CFAP61: variants seen among roughly 807,000 people sequenced by gnomAD.
CFAP61 encodes cilia- and flagella-associated protein 61.
Under a neutral mutation model 135.6 loss-of-function variants are expected in CFAP61, and 107 were observed. The observed-to-expected ratio is 0.79, with a 90% CI of 0.67 to 0.93. The LOEUF (loss-of-function observed/expected upper bound fraction) is 0.93. CFAP61 is among the 40% of genes least tolerant of loss of function. CFAP61 has a pLI of 0.00. For synonymous variants in CFAP61, 575 were observed against 578.5 expected, an observed-to-expected ratio of 0.99 and a Z score of 0.09; for missense variants, 1,507 against 1,556.2, an observed-to-expected ratio of 0.97 and a Z score of 0.53.
At chr20:20,082,874 C>A (rs1330181415) in intron 6 of CFAP61, among the ~76,000 whole-genome samples, 3 of 152,150 alleles carry the variant, frequency 2.0e-5, no homozygotes, top group African/African-American at 7.2e-5. Context: ...TGAAAAAGAA[C>A]ACTTTTACGC....
intron 13 of CFAP61, among the ~76,000 whole-genome samples, chr20:20,183,954 G>T (rs919422002): frequency 2.0e-5 from 3 of 152,206 alleles, no homozygotes; most frequent in African/African-American, 4.8e-5. Context: ...TAGCAGAGAT[G>T]AATGCAAAAT....
Position 20,191,404 on chromosome 20 carries a change from G to C in CFAP61, c.1575G>C (p.Val525=), listed in dbSNP as rs2055911095. The C allele has an allele frequency of 1.9e-6, 3 of 1,607,764 alleles. No homozygotes were observed. The African/African-American group carries it at 4.0e-5, about 21-fold the overall frequency. The change falls in exon 15 of 27, where the codon GTG becomes GTC. Residue 525 remains valine, a synonymous_variant. Coordinates refer to ENST00000245957, the MANE Select transcript of CFAP61 (RefSeq NM_015585.4). ...EVAEQIVGIA[V]IRNEMDIEYI... Reference sequence around the variant, plus strand: ...CAGAACAAATAGTTGGTATTGCAGTGATCAGAAATGAAATGGTAAATTGTG... The same window carrying C: ...CAGAACAAATAGTTGGTATTGCAGTCATCAGAAATGAAATGGTAAATTGTG...
At chr20:20,262,001 T>C (rs1385798996) in intron 20 of CFAP61, among the ~76,000 whole-genome samples, 1 of 152,236 alleles carries the variant, frequency 6.6e-6, no homozygotes, top group Non-Finnish European at 1.5e-5. Flanking sequence ...AGACAAGGAA[T>C]AATCCTATAC....
At chr20:20,319,432 G>A (rs756086140) in intron 25 of CFAP61, among the ~76,000 whole-genome samples, 12 of 152,216 alleles carry the variant, frequency 7.9e-5, no homozygotes, top group Non-Finnish European at 1.5e-4. Flanking sequence ...TGGAAGAGGG[G>A]CCTGGTGGGA....
chr20:20,279,142 C>T (rs2053994489), intron 22 of CFAP61, among the ~76,000 whole-genome samples: 1 of 152,128 alleles, frequency 6.6e-6, no homozygotes, highest in Non-Finnish European at 1.5e-5. Context: ...CCCCAAACAT[C>T]CCATTGGATA....
At chr20:20,109,657 A>G (rs555772351) in intron 8 of CFAP61, among the ~76,000 whole-genome samples, 2 of 152,292 alleles carry the variant, frequency 1.3e-5, no homozygotes, top group South Asian at 2.1e-4. Context: ...AGCTTTACCT[A>G]CAATTTATTC....
rs555356332 is a variant in CFAP61 at position 20,138,695 on chromosome 20, A to T, written c.860-4162A>T. ...ATCACTCCCCTGATTTTTGGTTCTT[A>T]TGAAGGTGCTTTGTTGTGTACATAA... On this transcript the variant is annotated intron_variant, in intron 8 of 26. Coordinates refer to ENST00000245957, the MANE Select transcript of CFAP61 (RefSeq NM_015585.4). 1.7e-3 allele frequency among the ~76,000 whole-genome samples: 256 copies of T among 152,320 alleles called. 1 individual carries two copies. Among genetic ancestry groups the T allele is most frequent in the African/African-American group, 6.0e-3 (249 of 41,580 alleles).
intron 25 of CFAP61, among the ~76,000 whole-genome samples, chr20:20,321,771 A>T (rs148455370): frequency 6.6e-6 from 1 of 152,322 alleles, no homozygotes; most frequent in East Asian, 1.9e-4. Flanking sequence ...TTGGTGAGAC[A>T]GTTTCAAACT....
intron 2 of CFAP61, among the ~76,000 whole-genome samples, chr20:20,062,518 A>G (rs1197969109): frequency 6.6e-6 from 1 of 152,220 alleles, no homozygotes; most frequent in Non-Finnish European, 1.5e-5. Context: ...ACAAGAGCGC[A>G]TATTAATGAA....
At chr20:20,212,971 G>A (rs1013890456) in intron 17 of CFAP61, among the ~76,000 whole-genome samples, 1 of 152,172 alleles carries the variant, frequency 6.6e-6, no homozygotes, top group African/African-American at 2.4e-5. Flanking sequence ...GTGTCCGGTG[G>A]CAGCAAGTGC....
intron 4 of CFAP61, 79 bp downstream of exon 4, chr20:20,074,457 A>C: frequency 7.9e-7 from 1 of 1,260,524 alleles, no homozygotes; most frequent in Non-Finnish European, 1.2e-6. Flanking sequence ...AAAAGACATG[A>C]AATTCTTTGG....
intron 8 of CFAP61, among the ~76,000 whole-genome samples, chr20:20,115,195 T>C (rs2049054861): frequency 6.6e-6 from 1 of 152,120 alleles, no homozygotes; most frequent in African/African-American, 2.4e-5. Flanking sequence ...ATGTCCTTCC[T>C]TGCCAGACTT....
chr20:20,255,901 C>T (rs1305012295), intron 20 of CFAP61, among the ~76,000 whole-genome samples: 1 of 152,212 alleles, frequency 6.6e-6, no homozygotes, highest in African/African-American at 2.4e-5. Flanking sequence ...CATGGTGTGA[C>T]TTCTGAGGCC....
chr20:20,254,377 G>A (rs534742608), intron 20 of CFAP61, among the ~76,000 whole-genome samples: 1 of 151,888 alleles, frequency 6.6e-6, no homozygotes, highest in Admixed American at 6.5e-5. Context: ...TGCCTGCCAG[G>A]TTCCAGCTGC....
intron 8 of CFAP61, among the ~76,000 whole-genome samples, chr20:20,105,976 T>C: frequency 7.4e-6 from 1 of 135,002 alleles, no homozygotes; most frequent in Non-Finnish European, 1.5e-5. Flanking sequence ...AGGCAACATC[T>C]TCGAAAGCTT....
At chr20:20,209,073 T>A (rs1323790079) in intron 17 of CFAP61, among the ~76,000 whole-genome samples, 2 of 152,166 alleles carry the variant, frequency 1.3e-5, no homozygotes, top group Non-Finnish European at 2.9e-5. Context: ...ATTTAATCGG[T>A]GCTTGCCACT....
intron 6 of CFAP61, among the ~76,000 whole-genome samples, chr20:20,088,819 T>C (rs560840004): frequency 6.6e-6 from 1 of 152,314 alleles, no homozygotes; most frequent in African/African-American, 2.4e-5. Context: ...ACCTGGCTTT[T>C]CAACTGTGTA....
At chr20:20,163,984 A>C in intron 10 of CFAP61, 66 bp from the exon 11 acceptor site, 1 of 1,349,860 alleles carries the variant, frequency 7.4e-7, no homozygotes, top group South Asian at 1.4e-5. Context: ...TAATGCAGCC[A>C]CCAGCCCACT....
intron 8 of CFAP61, among the ~76,000 whole-genome samples, chr20:20,099,374 A>C (rs1170968631): frequency 6.6e-6 from 1 of 152,238 alleles, no homozygotes; most frequent in Non-Finnish European, 1.5e-5. Flanking sequence ...CAAGATTTTC[A>C]CCACGTTCAA....
Sources: gnomAD v4.1 joint callset for allele counts (sites outside exome capture counted in the v4.1 genomes callset) on GRCh38, gnomAD v4.1.1 for gene constraint, MANE v1.5 for transcripts, NCBI Gene and HGNC (gene_info 2026-07-23, HGNC 2026-07-21) for gene names.